The following SORT1 variants were observed in gnomAD, a reference collection of about 807,000 sequenced individuals.
SORT1 encodes the protein sortilin 1.
A neutral mutation model predicts 101.7 loss-of-function variants in SORT1; 39 were observed. The observed-to-expected ratio is 0.38, with a 90% confidence interval of 0.30 to 0.50. The LOEUF (loss-of-function observed/expected upper bound fraction) is 0.50. SORT1 is among the 20% of genes least tolerant of loss of function. The pLI, the probability that SORT1 is intolerant of heterozygous loss-of-function variation, is 0.90. For missense variants in SORT1, 878 were observed against 1,040.4 expected, an observed-to-expected ratio of 0.84 and a Z score of 2.15; for synonymous variants, 396 against 393.7, an observed-to-expected ratio of 1.01 and a Z score of -0.07.
chr1:109,375,857 G>A (rs1651799395), intron 1 of SORT1, among the ~76,000 whole-genome samples: 1 of 152,086 alleles, frequency 6.6e-6, no homozygotes, highest in Non-Finnish European at 1.5e-5. Flanking sequence ...TCTATAGCAA[G>A]TGAAACTATT....
At chr1:109,337,017 C>T (rs780622907) in intron 10 of SORT1, among the ~76,000 whole-genome samples, 2 of 152,110 alleles carry the variant, frequency 1.3e-5, no homozygotes, top group African/African-American at 4.8e-5. Context: ...AATCTTTATT[C>T]GGACAAGGCC....
intron 14 of SORT1, among the ~76,000 whole-genome samples, chr1:109,324,382 T>A (rs916788596): frequency 6.6e-6 from 1 of 152,128 alleles, no homozygotes; most frequent in Non-Finnish European, 1.5e-5. Context: ...GTGATCTGCC[T>A]ATCTTGGCCT....
chr1:109,309,742 G>A lies in SORT1; in HGVS notation c.*4301C>T, dbSNP rs1658606382. 6.6e-6 allele frequency: 1 copy of A among 152,154 alleles called. No individual in the cohort carries two copies. Among genetic ancestry groups the A allele is most frequent in the Non-Finnish European group, 1.5e-5 (1 of 68,038 alleles). 9.4% of individuals were successfully genotyped at this position (152,154 alleles called of 1,614,324 possible). ...TTATCATGGGGTCTGGCTTTAATGT[G>A]TAACTGACGTGGGTCACTGAAACTC... On this transcript the variant is annotated 3_prime_UTR_variant, in exon 20 of 20. Coordinates refer to ENST00000256637, the MANE Select transcript of SORT1 (RefSeq NM_002959.7).
intron 14 of SORT1, 40 bp downstream of exon 14, chr1:109,324,859 T>C (rs1557782934): frequency 1.5e-6 from 2 of 1,372,430 alleles, no homozygotes; most frequent in South Asian, 1.3e-5. Flanking sequence ...GAAAATGGAC[T>C]TGGAAGTTTC....
At chr1:109,330,711 G>C (rs1223774348) in intron 11 of SORT1, among the ~76,000 whole-genome samples, 1 of 151,586 alleles carries the variant, frequency 6.6e-6, no homozygotes, top group Non-Finnish European at 1.5e-5. Context: ...AGATAAAAAA[G>C]TGACAAACTT....
At chr1:109,316,727 C>G (rs1055642374) in intron 17 of SORT1, 123 bp downstream of exon 17, 1 of 641,278 alleles carries the variant, frequency 1.6e-6, no homozygotes, top group East Asian at 2.9e-5. Context: ...ATAAGGGAAG[C>G]CTGAGAGAAG....
chr1:109,359,162 GAGGGTCTGC>G (rs1650546011), intron 3 of SORT1, among the ~76,000 whole-genome samples: 1 of 152,104 alleles, frequency 6.6e-6, no homozygotes, highest in South Asian at 2.1e-4. Flanking sequence ...GCTGTCTGGT[GAGGGTCTGC>G]TTCCTGCTTC....
In SORT1 at chr1:109,309,979, G is replaced by A. The variant is rs1658622549; in HGVS notation, c.*4064C>T. ...GGACCCTGAGCATTTCTGTGCACGA[G>A]GATAAGGAGAGTATGACCAAAACCC... On this transcript the variant is annotated 3_prime_UTR_variant, in exon 20 of 20. Transcript: ENST00000256637. The A allele has an allele frequency of 6.6e-6, 1 of 152,646 alleles. No homozygotes were observed. The highest frequency in any genetic ancestry group is 1.5e-5 in the Non-Finnish European group (1 of 68,044). 9.5% of individuals were successfully genotyped at this position (152,646 alleles called of 1,614,324 possible).
At chr1:109,394,270 A>C (rs1428947946) in intron 1 of SORT1, among the ~76,000 whole-genome samples, 3 of 152,164 alleles carry the variant, frequency 2.0e-5, no homozygotes, top group Non-Finnish European at 4.4e-5. Context: ...TAATACTGTA[A>C]CTAGAAAGGA....
At position 109,397,811 on chromosome 1, in the gene SORT1, G is replaced by A; in HGVS notation, c.82C>T (p.Pro28Ser). ...LGLLLLLQLLPPSTLSQDRLD... is the reference protein window; with the variant it reads ...LGLLLLLQLLSPSTLSQDRLD... The stretch of plus-strand genomic sequence containing the variant: ...CGGTCCTGGCTGAGGGTCGACGGCG[G>A]CAGCAGCTGCAGGAGGAGGAGGAGG... The change falls in exon 1 of 20, where the codon CCG becomes TCG. Residue 28 changes from proline to serine, a missense_variant. Pro to Ser is a moderately conservative substitution (Grantham distance 74). Coordinates refer to ENST00000256637, the MANE Select transcript of SORT1 (RefSeq NM_002959.7). The A allele has an allele frequency of 7.8e-7, 1 of 1,286,380 alleles. No homozygotes were observed. Among genetic ancestry groups the A allele is most frequent in the Non-Finnish European group, 9.9e-7 (1 of 1,007,068 alleles). 79.7% of individuals were successfully genotyped at this position (1,286,380 alleles called of 1,614,324 possible).
intron 10 of SORT1, 74 bp downstream of exon 10, chr1:109,340,650 C>T (rs1451876528): frequency 1.4e-6 from 2 of 1,461,864 alleles, no homozygotes; most frequent in African/African-American, 2.8e-5. Context: ...TACTAGGGGA[C>T]AGGTTCCCCG....
chr1:109,350,380 C>T (rs543090191), intron 6 of SORT1, among the ~76,000 whole-genome samples: 9 of 152,230 alleles, frequency 5.9e-5, no homozygotes, highest in East Asian at 3.9e-4. Flanking sequence ...ACAAAGGTGA[C>T]GAGACTCCCA....
chr1:109,364,909 C>CA (rs1650977698), intron 3 of SORT1, among the ~76,000 whole-genome samples: 1 of 152,008 alleles, frequency 6.6e-6, no homozygotes, highest in Non-Finnish European at 1.5e-5. Context: ...TTACAGATGA[C>CA]AAAAAAGACT....
At position 109,342,174 on chromosome 1, in the gene SORT1, A is replaced by G; in HGVS notation, c.964-16T>C. On this transcript the variant is annotated splice_polypyrimidine_tract_variant and intron_variant, in intron 8 of 19. Transcript: ENST00000256637. ...TTGTTGTATCCTAGAACAGATGTCA[A>G]TATTTATCTTTCTAATTTTCTGCCA... The G allele has an allele frequency of 1.9e-6, 3 of 1,591,342 alleles. No individual in the cohort carries two copies. The highest frequency in any genetic ancestry group is 2.6e-6 in the Non-Finnish European group (3 of 1,165,652).
chr1:109,314,148 G>T, intron 19 of SORT1, 91 bp from the exon 20 acceptor site: 1 of 1,600,192 alleles, frequency 6.2e-7, no homozygotes, highest in South Asian at 1.1e-5. Context: ...AAATCTTATG[G>T]TCATTAAGTC....
intron 1 of SORT1, among the ~76,000 whole-genome samples, chr1:109,376,731 G>C (rs1651881202): frequency 6.6e-6 from 1 of 152,082 alleles, no homozygotes; most frequent in Admixed American, 6.5e-5. Context: ...AACAGAAACG[G>C]GATTATTAGA....
chr1:109,397,065 T>G (rs1427775460), intron 1 of SORT1: 2 of 152,218 alleles, frequency 1.3e-5, no homozygotes, highest in African/African-American at 4.8e-5. Flanking sequence ...TCTGAAGCAG[T>G]AAAAGAGATC....
chr1:109,382,218 C>A (rs1333653399), intron 1 of SORT1, among the ~76,000 whole-genome samples: 1 of 152,198 alleles, frequency 6.6e-6, no homozygotes, highest in Non-Finnish European at 1.5e-5. Flanking sequence ...TCACTGCAAC[C>A]TCCACCTTCT....
rs775648739 is a variant in SORT1, at chr1:109,369,600, A to G, written c.307-11T>C. ...ATCATCAAACACATGCTATAAGGGG[A>G]AAAAAAATTAATTTAGAAATGACAG... On this transcript the variant is annotated splice_polypyrimidine_tract_variant and intron_variant, in intron 1 of 19. Coordinates refer to ENST00000256637, the MANE Select transcript of SORT1 (RefSeq NM_002959.7). The G allele has an allele frequency of 3.1e-5, 48 of 1,552,550 alleles. No individual in the cohort carries two copies. Among genetic ancestry groups the G allele is most frequent in the Non-Finnish European group, 4.0e-5 (46 of 1,136,460 alleles).
Sources: allele counts gnomAD v4.1 joint callset (sites outside exome capture counted in the v4.1 genomes callset), GRCh38; gene constraint gnomAD v4.1.1; transcripts MANE v1.5; gene names NCBI Gene and HGNC (gene_info 2026-07-23, HGNC 2026-07-21).